DOP1B: variants seen among roughly 807,000 people sequenced by gnomAD.
DOP1B encodes protein DOP1B.
DOP1B carries 174 observed loss-of-function variants against 233.5 expected under a neutral mutation model. The observed-to-expected ratio is 0.75, with a 90% CI of 0.66 to 0.85. The LOEUF (loss-of-function observed/expected upper bound fraction) is 0.85, where lower values mean the gene tolerates loss of function less well. Among genes scored for constraint, DOP1B ranks in the 40% least tolerant of loss-of-function variants. DOP1B has a pLI of 0.00. For missense variants in DOP1B, 2,652 were observed against 2,846.6 expected (o/e 0.93, Z 1.56); for synonymous variants, 1,190 against 1,185.6 (o/e 1.00, Z -0.08).
chr21:36,258,306 C>T (rs1309889534), intron 23 of DOP1B, among the ~76,000 whole-genome samples: 1 of 152,064 alleles, frequency 6.6e-6, no homozygotes, highest in Admixed American at 6.6e-5. Flanking sequence ...ACTTGGGAGG[C>T]TGAGGTGGGA....
At chr21:36,222,502 C>G (rs1425075406) in intron 10 of DOP1B, among the ~76,000 whole-genome samples, 1 of 151,200 alleles carries the variant, frequency 6.6e-6, no homozygotes, top group African/African-American at 2.4e-5. Flanking sequence ...AGGAGAATCG[C>G]TTGAACCTGG....
At chr21:36,163,590 G>A (rs574510813) in intron 1 of DOP1B, among the ~76,000 whole-genome samples, 7 of 152,222 alleles carry the variant, frequency 4.6e-5, no homozygotes, top group Admixed American at 2.6e-4. Flanking sequence ...AGCTAACCGC[G>A]TTCACTCACG....
At position 36,293,486 on chromosome 21, in the gene DOP1B, A is replaced by G; in HGVS notation, c.6812A>G (p.Asp2271Gly). Residue 2271 changes from aspartate (D) to glycine (G), a missense_variant, in exon 37 of 37, where the codon GAC becomes GGC. By Grantham distance (94) the Asp-to-Gly change is moderately conservative (BLOSUM62 -1). Around this residue, in one of 3 missense-constraint regions of DOP1B, gnomAD observed 31 missense variants for 34.2 expected, o/e 0.91. Coordinates refer to ENST00000691173, the MANE Select transcript of DOP1B (RefSeq NM_001320714.2). Reference protein sequence around the residue: ...PADSPGTPFLDFPVTDSPRIL... With the variant: ...PADSPGTPFLGFPVTDSPRIL... ...GATAGCCCAGGAACTCCATTCTTGG[A>G]CTTTCCTGTCACAGATAGCCCAAGG... 2 of 1,614,102 alleles carry G rather than the reference A, an allele frequency of 1.2e-6. No individual in the cohort carries two copies. The highest frequency in any genetic ancestry group is 1.7e-6 in the Non-Finnish European group (2 of 1,179,946).
chr21:36,179,339 C>T (rs2066068208), intron 2 of DOP1B, among the ~76,000 whole-genome samples: 1 of 152,214 alleles, frequency 6.6e-6, no homozygotes, highest in African/African-American at 2.4e-5. Context: ...TCCAGTTCTC[C>T]CCCATCCTCT....
chr21:36,192,816 T>C (rs2066247604), intron 2 of DOP1B, among the ~76,000 whole-genome samples: 1 of 151,850 alleles, frequency 6.6e-6, no homozygotes, highest in African/African-American at 2.4e-5. Flanking sequence ...GCCTCCCGAG[T>C]AGCTGGGACT....
In DOP1B at chr21:36,288,112, C is replaced by A; in HGVS notation, c.6259C>A (p.His2087Asn). 6.2e-7 allele frequency: 1 copy of A among 1,614,046 alleles called. No homozygotes were observed. The highest frequency in any genetic ancestry group is 8.5e-7 in the Non-Finnish European group (1 of 1,179,974). ...TTTGCTGCTAAGAATATCTCCTCAACATTTGACTTCATTGTGGCCAATAAT... is the reference window on the plus strand; with the variant it reads ...TTTGCTGCTAAGAATATCTCCTCAAAATTTGACTTCATTGTGGCCAATAAT... Reference protein sequence around the residue: ...RVLLLRISPQHLTSLWPIMVS... With the variant: ...RVLLLRISPQNLTSLWPIMVS... Residue 2087 changes from histidine (H) to asparagine (N), a missense_variant, in exon 33 of 37, where the codon CAT becomes AAT. His to Asn is a moderately conservative substitution (Grantham distance 68, BLOSUM62 1). Around this residue, in one of 3 missense-constraint regions of DOP1B, gnomAD observed 2,617 missense variants for 2,794.3 expected, o/e 0.94. Transcript: ENST00000691173.
intron 23 of DOP1B, among the ~76,000 whole-genome samples, chr21:36,257,784 G>T (rs904698402): frequency 1.0e-5 from 1 of 97,284 alleles, no homozygotes; most frequent in Non-Finnish European, 2.1e-5. Flanking sequence ...ATGTAGGTAG[G>T]TAGGTAGGTA....
chr21:36,161,595 C>G (rs2065870205), intron 1 of DOP1B, among the ~76,000 whole-genome samples: 1 of 152,212 alleles, frequency 6.6e-6, no homozygotes, highest in African/African-American at 2.4e-5. Flanking sequence ...CAGAAGCAAT[C>G]CTCCTACCTC....
At chr21:36,232,128 G>T (rs1378413471) in intron 14 of DOP1B, among the ~76,000 whole-genome samples, 1 of 152,128 alleles carries the variant, frequency 6.6e-6, no homozygotes, top group East Asian at 1.9e-4. Context: ...ACAGGCGTGA[G>T]CCACTGCACC....
At chr21:36,184,280 C>T (rs1174092055) in intron 2 of DOP1B, among the ~76,000 whole-genome samples, 1 of 152,058 alleles carries the variant, frequency 6.6e-6, no homozygotes, top group African/African-American at 2.4e-5. Context: ...AACTCCCGAC[C>T]TCAGGTGATC....
intron 2 of DOP1B, among the ~76,000 whole-genome samples, chr21:36,184,789 A>G (rs888359366): frequency 1.3e-5 from 2 of 152,196 alleles, no homozygotes; most frequent in Non-Finnish European, 2.9e-5. Context: ...TGCGGGGAAC[A>G]GGATCGCTGT....
chr21:36,250,657 G>A (rs1053260271), intron 21 of DOP1B, among the ~76,000 whole-genome samples: 9 of 152,164 alleles, frequency 5.9e-5, no homozygotes, highest in African/African-American at 2.2e-4. Flanking sequence ...CATGTTACAG[G>A]TTTAAATTGA....
At position 36,263,564 on chromosome 21, in the gene DOP1B, G is replaced by T. The variant is rs552496678; in HGVS notation, c.5334G>T (p.Leu1778Phe). 1 of 1,614,160 alleles carries T rather than the reference G, an allele frequency of 6.2e-7. No individual in the cohort carries two copies. The highest frequency in any genetic ancestry group is 8.5e-7 in the Non-Finnish European group (1 of 1,180,024). The change falls in exon 25 of 37, where the codon TTG becomes TTT. Residue 1778 changes from leucine to phenylalanine, a missense_variant. This residue lies in a region of DOP1B where 2,617 missense variants were observed against 2,794.3 expected (regional missense o/e 0.94). Transcript: ENST00000691173. Reference sequence around the variant, plus strand: ...AAAACAGGCTCCCAGTACCAGCCTTGCAAGAGAACTTTTCTTCACTGTTGG... The same window carrying T: ...AAAACAGGCTCCCAGTACCAGCCTTTCAAGAGAACTTTTCTTCACTGTTGG... The part of the protein sequence containing the change: ...AFLQRLPVPA[L>F]QENFSSLLGV...
chr21:36,244,086 G>A (rs1031259557), intron 18 of DOP1B, among the ~76,000 whole-genome samples: 4 of 141,652 alleles, frequency 2.8e-5, no homozygotes, highest in Non-Finnish European at 6.0e-5. Context: ...GAGTGTAGTG[G>A]CATGATTTCA....
At chr21:36,212,713 T>A (rs755046280) in intron 7 of DOP1B, among the ~76,000 whole-genome samples, 1 of 152,226 alleles carries the variant, frequency 6.6e-6, no homozygotes, top group Non-Finnish European at 1.5e-5. Flanking sequence ...CATATTCACG[T>A]ACCTAAGAAA....
At chr21:36,186,428 GTA>G (rs1569007492) in intron 2 of DOP1B, among the ~76,000 whole-genome samples, 2 of 151,902 alleles carry the variant, frequency 1.3e-5, no homozygotes, top group African/African-American at 4.8e-5. Context: ...GTGTGTGTGT[GTA>G]TATGTATGGG....
intron 2 of DOP1B, among the ~76,000 whole-genome samples, chr21:36,184,801 G>A (rs1377157528): frequency 6.6e-6 from 1 of 152,230 alleles, no homozygotes; most frequent in African/African-American, 2.4e-5. Context: ...GATCGCTGTG[G>A]GAGGTTGAGC....
intron 1 of DOP1B, among the ~76,000 whole-genome samples, chr21:36,160,027 C>T (rs1015631918): frequency 3.3e-5 from 5 of 152,126 alleles, no homozygotes; most frequent in African/African-American, 1.2e-4. Context: ...ATTTATGTTT[C>T]TTTCCCCCAT....
At chr21:36,225,693 A>G (rs754324598) in intron 12 of DOP1B, 26 bp downstream of exon 12, 5 of 1,609,234 alleles carry the variant, frequency 3.1e-6, no homozygotes, top group Non-Finnish European at 4.3e-6. Flanking sequence ...GGGACATCTC[A>G]ACGCCTGCTA....
Sources: gnomAD v4.1 joint callset for allele counts (sites outside exome capture counted in the v4.1 genomes callset) on GRCh38, gnomAD v4.1.1 for gene constraint, gnomAD v4.1.1 regional missense constraint, MANE v1.5 for transcripts, NCBI Gene and HGNC (gene_info 2026-07-23, HGNC 2026-07-21) for gene names.